KCNJ3: variants seen among roughly 807,000 people sequenced by gnomAD.
KCNJ3 encodes the protein potassium inwardly rectifying channel subfamily J member 3, also known as G protein-activated inward rectifier potassium channel 1.
Under a neutral mutation model 39.2 loss-of-function variants are expected in KCNJ3, and 4 were observed. The ratio of observed to expected loss-of-function variants is 0.10; its 90% CI spans 0.05 to 0.23. The LOEUF (loss-of-function observed/expected upper bound fraction) is 0.23. KCNJ3 is among the 10% of genes least tolerant of loss of function. KCNJ3 has a pLI of 1.00. For synonymous variants in KCNJ3, 230 were observed against 237.4 expected (o/e 0.97, Z 0.29); for missense variants, 276 against 634.9 (o/e 0.43, Z 6.08).
At chr2:154,745,336 C>G (rs1309846489) in intron 2 of KCNJ3, among the ~76,000 whole-genome samples, 1 of 151,922 alleles carries the variant, frequency 6.6e-6, no homozygotes, top group Non-Finnish European at 1.5e-5. Flanking sequence ...TTAACTATTG[C>G]TGACAATTAG....
chr2:154,799,763 C>G (rs1686779823), intron 2 of KCNJ3, among the ~76,000 whole-genome samples: 1 of 152,120 alleles, frequency 6.6e-6, no homozygotes, highest in Non-Finnish European at 1.5e-5. Context: ...GGTAATTCAC[C>G]CCTTAATAAA....
intron 1 of KCNJ3, among the ~76,000 whole-genome samples, chr2:154,705,001 C>CA (rs901097978): frequency 6.6e-6 from 1 of 152,110 alleles, no homozygotes; most frequent in African/African-American, 2.4e-5. Context: ...CTTCCCAGAC[C>CA]ACTGGCCCTG....
intron 2 of KCNJ3, among the ~76,000 whole-genome samples, chr2:154,802,411 T>G (rs1558877995): frequency 6.6e-6 from 1 of 152,184 alleles, no homozygotes; most frequent in Non-Finnish European, 1.5e-5. Context: ...GGTTGTATTA[T>G]CTCACATGTA....
chr2:154,837,372 T>C (rs1419478230), intron 2 of KCNJ3, among the ~76,000 whole-genome samples: 1 of 148,394 alleles, frequency 6.7e-6, no homozygotes, highest in Non-Finnish European at 1.5e-5. Flanking sequence ...TCAAAGTCAA[T>C]TTTTGAGTTC....
At chr2:154,701,888 A>T (rs1338463212) in intron 1 of KCNJ3, among the ~76,000 whole-genome samples, 1 of 152,008 alleles carries the variant, frequency 6.6e-6, no homozygotes, top group Non-Finnish European at 1.5e-5. Flanking sequence ...GTTCAAAGTT[A>T]ATCTTTCCTG....
chr2:154,775,318 G>A (rs1051748919), intron 2 of KCNJ3, among the ~76,000 whole-genome samples: 18 of 152,014 alleles, frequency 1.2e-4, no homozygotes, highest in African/African-American at 4.4e-4. Flanking sequence ...TTTCAGTTGG[G>A]TAGAATTAAA....
intron 2 of KCNJ3, among the ~76,000 whole-genome samples, chr2:154,852,248 A>G (rs1687768683): frequency 1.3e-5 from 2 of 152,120 alleles, no homozygotes; most frequent in Non-Finnish European, 2.9e-5. Context: ...TCTGAGTAAC[A>G]TGACAAAACC....
intron 2 of KCNJ3, among the ~76,000 whole-genome samples, chr2:154,763,237 C>T (rs1321022218): frequency 6.6e-6 from 1 of 151,962 alleles, no homozygotes; most frequent in Non-Finnish European, 1.5e-5. Flanking sequence ...TCTGTGTCTA[C>T]CTAATAAGGC....
chr2:154,739,189 C>T (rs1685600130), intron 2 of KCNJ3, among the ~76,000 whole-genome samples: 1 of 151,738 alleles, frequency 6.6e-6, no homozygotes, highest in Non-Finnish European at 1.5e-5. Flanking sequence ...GAGTATTAAC[C>T]TATTATACTA....
At chr2:154,786,892 T>A (rs1686539338) in intron 2 of KCNJ3, among the ~76,000 whole-genome samples, 1 of 152,208 alleles carries the variant, frequency 6.6e-6, no homozygotes, top group African/African-American at 2.4e-5. Flanking sequence ...TAATATCCAC[T>A]GGCACAGGGA....
intron 2 of KCNJ3, among the ~76,000 whole-genome samples, chr2:154,853,295 CAG>C (rs929535204): frequency 1.1e-4 from 16 of 151,982 alleles, no homozygotes; most frequent in South Asian, 1.0e-3. Flanking sequence ...TAATATATAA[CAG>C]AATATTCATA....
At chr2:154,798,529 A>G (rs1026231088) in intron 2 of KCNJ3, among the ~76,000 whole-genome samples, 3 of 152,208 alleles carry the variant, frequency 2.0e-5, no homozygotes, top group Admixed American at 2.0e-4. Flanking sequence ...ATCAAAACAT[A>G]CAAAAGGTCG....
chr2:154,764,230 T>C (rs1187624570), intron 2 of KCNJ3, among the ~76,000 whole-genome samples: 2 of 152,152 alleles, frequency 1.3e-5, no homozygotes, highest in Non-Finnish European at 2.9e-5. Flanking sequence ...CGTTAAGGGG[T>C]GAAAATATCT....
At chr2:154,740,672 T>C (rs1358653825) in intron 2 of KCNJ3, among the ~76,000 whole-genome samples, 2 of 152,150 alleles carry the variant, frequency 1.3e-5, no homozygotes, top group East Asian at 3.9e-4. Flanking sequence ...GTTTTAGCAC[T>C]GACTCTCTTT....
chr2:154,848,547 C>T lies in KCNJ3; in HGVS notation c.920-6180C>T, dbSNP rs578134700. 1.2e-4 allele frequency among the ~76,000 whole-genome samples: 18 copies of T among 152,190 alleles called. No homozygotes were observed. The East Asian group carries it at 2.9e-3, about 24-fold the overall frequency. ...CATTATTTTAATTCTTAAAAGTTCACTCATCAATTGGTTTCCCATACTTTT... is the reference window on the plus strand; with the variant it reads ...CATTATTTTAATTCTTAAAAGTTCATTCATCAATTGGTTTCCCATACTTTT... On this transcript the variant is annotated intron_variant, in intron 2 of 2. Coordinates refer to ENST00000295101, the MANE Select transcript of KCNJ3 (RefSeq NM_002239.4).
intron 2 of KCNJ3, among the ~76,000 whole-genome samples, chr2:154,741,294 G>A (rs1261786213): frequency 6.6e-6 from 1 of 151,890 alleles, no homozygotes; most frequent in Non-Finnish European, 1.5e-5. Context: ...ACCACATTCT[G>A]ATAACTGCTT....
At chr2:154,707,220 T>C (rs540799782) in intron 1 of KCNJ3, among the ~76,000 whole-genome samples, 1 of 152,068 alleles carries the variant, frequency 6.6e-6, no homozygotes, top group South Asian at 2.1e-4. Flanking sequence ...AAGACCTGGA[T>C]AGGATATCAA....
Position 154,857,005 on chromosome 2 carries a change from G to A in KCNJ3, c.*1692G>A, listed in dbSNP as rs952957952. The A allele has an allele frequency of 2.0e-5, 3 of 152,048 alleles. No individual in the cohort carries two copies. Among genetic ancestry groups the A allele is most frequent in the South Asian group, 2.1e-4 (1 of 4,814 alleles). The allele number at this position is 152,048 out of a possible 1,614,324, so 9.4% of individuals were successfully genotyped here. On this transcript the variant is annotated 3_prime_UTR_variant, in exon 3 of 3. Transcript: ENST00000295101. Reference sequence around the variant, plus strand: ...CAATTTTGTGATAATTTTATTATTGGCAAATTAATACATCAACACTTAAAT... The same window carrying A: ...CAATTTTGTGATAATTTTATTATTGACAAATTAATACATCAACACTTAAAT...
intron 1 of KCNJ3, among the ~76,000 whole-genome samples, chr2:154,705,906 C>A (rs2105148392): frequency 6.6e-6 from 1 of 152,124 alleles, no homozygotes; most frequent in South Asian, 2.1e-4. Context: ...TCCCAAGATT[C>A]TATAAAATTG....
Sources: allele counts gnomAD v4.1 joint callset (sites outside exome capture counted in the v4.1 genomes callset), GRCh38; gene constraint gnomAD v4.1.1; transcripts MANE v1.5; gene names NCBI Gene and HGNC (gene_info 2026-07-23, HGNC 2026-07-21).